The following ELOB variants were observed in gnomAD, a reference collection of about 807,000 sequenced individuals.
ELOB encodes the protein elongin B, also known as elongin-B.
Under a neutral mutation model 12.9 loss-of-function variants are expected in ELOB, and 3 were observed. The observed-to-expected ratio is 0.23, with a 90% confidence interval of 0.11 to 0.60. ELOB has a LOEUF of 0.60. Among genes scored for constraint, ELOB ranks in the 20% least tolerant of loss-of-function variants. The pLI is 0.89. For synonymous variants in ELOB, 84 were observed against 67.4 expected (o/e 1.25, Z -1.21); for missense variants, 126 against 159.2 (o/e 0.79, Z 1.12).
intron 3 of ELOB, among the ~76,000 whole-genome samples, chr16:2,773,199 G>A (rs1222107475): frequency 6.6e-6 from 1 of 151,956 alleles, no homozygotes; most frequent in African/African-American, 2.4e-5. Context: ...AACTGATCAG[G>A]CATCCCAGGG....
chr16:2,775,655 G>C (rs1458572418), intron 2 of ELOB, 99 bp from the exon 3 acceptor site: 6 of 889,172 alleles, frequency 6.7e-6, no homozygotes, highest in Non-Finnish European at 1.0e-5. Context: ...AGGGAAGAGA[G>C]AGTTCCCTCA....
rs1476942109 is a variant in ELOB, at chr16:2,776,994, T to A, written c.137A>T (p.Lys46Met). 2 of 1,574,934 alleles carry A rather than the reference T, an allele frequency of 1.3e-6. No homozygotes were observed. Among genetic ancestry groups the A allele is most frequent in the Admixed American group, 3.7e-5 (2 of 54,350 alleles). ...KRPPDEQRLYKDDQLLDDGKT... is the reference protein window; with the variant it reads ...KRPPDEQRLYMDDQLLDDGKT... ...CCTCGGCCCGCCCGCGGGACCCACC[T>A]TGTACAGCCGCTGCTCGTCAGGAGG... Residue 46 changes from lysine (K) to methionine (M), a missense_variant and splice_region_variant, in exon 2 of 4, where the codon AAG becomes ATG. Lys to Met is a moderately conservative substitution (Grantham distance 95). Transcript: ENST00000409906.
intron 2 of ELOB, among the ~76,000 whole-genome samples, chr16:2,776,263 G>A (rs1215912516): frequency 6.6e-6 from 1 of 152,216 alleles, no homozygotes; most frequent in African/African-American, 2.4e-5. Context: ...GGCCTTTAGA[G>A]ACCATGGGAG....
rs2068794401 is a variant in ELOB at position 2,775,556 on chromosome 16, C to T, written c.139G>A (p.Asp47Asn). ...RPPDEQRLYKDDQLLDDGKTL... is the reference protein window; with the variant it reads ...RPPDEQRLYKNDQLLDDGKTL... ...TTGCCATCATCCAAGAGTTGGTCAT[C>T]CTGAGGAGAGAAGCAGGATCTTGGG... The change falls in exon 3 of 4, where the codon GAT (aspartate) becomes AAT (asparagine). Residue 47 changes from aspartate (D) to asparagine (N), a missense_variant and splice_region_variant. Physicochemically the swap from Asp to Asn is conservative, Grantham distance 23 (BLOSUM62 1). Transcript: ENST00000409906. The T allele has an allele frequency of 6.2e-7, 1 of 1,607,074 alleles. No individual in the cohort carries two copies. Among genetic ancestry groups the T allele is most frequent in the Non-Finnish European group, 8.5e-7 (1 of 1,179,420 alleles).
chr16:2,776,643 G>A (rs923480055), intron 2 of ELOB, among the ~76,000 whole-genome samples: 4 of 152,232 alleles, frequency 2.6e-5, no homozygotes, highest in African/African-American at 7.2e-5. Flanking sequence ...GGGGATTAAG[G>A]GGTCGTGGTT....
At chr16:2,772,555 A>T (rs1343991143) in intron 3 of ELOB, 1 of 151,216 alleles carries the variant, frequency 6.6e-6, no homozygotes, top group East Asian at 1.9e-4. Context: ...AAAAAAAAAA[A>T]AAAAATTAGC....
rs1389497798 is a variant in ELOB, at chr16:2,777,220, C to G, written c.3+17G>C. ...CCCCCGGCCCGGCCCGGCCGCCCCT[C>G]CCCCACGCCCGCTCACCATCGCGGC... On this transcript the variant is annotated intron_variant, in intron 1 of 3. Transcript: ENST00000409906. 4.0e-6 allele frequency: 4 copies of G among 1,006,536 alleles called. No homozygotes were observed. Among genetic ancestry groups the G allele is most frequent in the Non-Finnish European group, 4.7e-6 (4 of 844,860 alleles). The allele number at this position is 1,006,536 out of a possible 1,614,324, so 62.4% of individuals were successfully genotyped here. A position where few individuals can be genotyped will look rare whatever the true frequency, so the allele number is the denominator to read the frequency against.
At chr16:2,775,048 C>T (rs2068790804) in intron 3 of ELOB, among the ~76,000 whole-genome samples, 1 of 152,144 alleles carries the variant, frequency 6.6e-6, no homozygotes, top group African/African-American at 2.4e-5. Flanking sequence ...CTAACCGTGG[C>T]TCCCTACGTG....
Position 2,775,617 on chromosome 16 carries a change from G to T in ELOB, c.139-61C>A. The stretch of plus-strand genomic sequence containing the variant: ...CATGGGGCAAGTCCCAAAGACTTCT[G>T]ACCAGCAACTACACGGGAAGTCAGA... On this transcript the variant is annotated intron_variant, in intron 2 of 3. Coordinates refer to ENST00000409906, the MANE Select transcript of ELOB (RefSeq NM_007108.4). The T allele has an allele frequency of 2.9e-6, 4 of 1,375,244 alleles. No homozygotes were observed. The South Asian group carries it at 3.7e-5, about 13-fold the overall frequency. The allele number at this position is 1,375,244 out of a possible 1,614,324, so 85.2% of individuals were successfully genotyped here.
Position 2,771,773 on chromosome 16 carries a change from AG to A in ELOB, c.*216del. The A allele has an allele frequency of 6.8e-7, 1 of 1,471,974 alleles. No individual in the cohort carries two copies. The highest frequency in any genetic ancestry group is 9.0e-7 in the Non-Finnish European group (1 of 1,116,634). 91.2% of individuals were successfully genotyped at this position (1,471,974 alleles called of 1,614,324 possible). A position where few individuals can be genotyped will look rare whatever the true frequency, so the allele number is the denominator to read the frequency against. On this transcript the variant is annotated 3_prime_UTR_variant, in exon 4 of 4. Transcript: ENST00000409906. ...AATGGCTTGGGTCTCAGGGCAACCC[AG>A]GTCCCCATGGTGCCTTTAAGCAGCA...
chr16:2,776,825 G>A (rs2068803892), intron 2 of ELOB, among the ~76,000 whole-genome samples, 168 bp downstream of exon 2: 1 of 151,950 alleles, frequency 6.6e-6, no homozygotes, highest in African/African-American at 2.4e-5. Context: ...GGAGATCCCC[G>A]CGGCGAGCGC....
At chr16:2,776,530 C>T (rs1159601155) in intron 2 of ELOB, among the ~76,000 whole-genome samples, 1 of 152,174 alleles carries the variant, frequency 6.6e-6, no homozygotes, top group Non-Finnish European at 1.5e-5. Flanking sequence ...TGGTGAAGAA[C>T]GAGTGGGACC....
chr16:2,772,455 G>C (rs914663676), intron 3 of ELOB: 4 of 158,392 alleles, frequency 2.5e-5, no homozygotes, highest in African/African-American at 9.7e-5. Flanking sequence ...CACACTTTGG[G>C]AGGCCGAGAC....
intron 3 of ELOB, 94 bp from the exon 4 acceptor site, chr16:2,772,196 G>A: frequency 7.1e-7 from 1 of 1,403,568 alleles, no homozygotes; most frequent in Non-Finnish European, 9.5e-7. Flanking sequence ...CAGCTTTGGG[G>A]ATCTCCATGC....
At chr16:2,773,651 A>T (rs2150784323) in intron 3 of ELOB, among the ~76,000 whole-genome samples, 1 of 152,270 alleles carries the variant, frequency 6.6e-6, no homozygotes, top group East Asian at 1.9e-4. Context: ...TGTGCCCCCT[A>T]TCAAGACAGC....
intron 3 of ELOB, among the ~76,000 whole-genome samples, chr16:2,773,935 A>T (rs2068784204): frequency 6.6e-6 from 1 of 152,182 alleles, no homozygotes; most frequent in Non-Finnish European, 1.5e-5. Flanking sequence ...CTCTCTTCAG[A>T]CAGGCACCCC....
chr16:2,776,465 A>AG (rs1434960605), intron 2 of ELOB, among the ~76,000 whole-genome samples: 6 of 152,200 alleles, frequency 3.9e-5, no homozygotes, highest in Non-Finnish European at 8.8e-5. Flanking sequence ...GCAAGGGGAA[A>AG]GGGGGGCTTC....
In ELOB at chr16:2,775,488, T is replaced by A; in HGVS notation, c.207A>T (p.Pro69=). 2 of 1,606,684 alleles carry A rather than the reference T, an allele frequency of 1.2e-6. No individual in the cohort carries two copies. The highest frequency in any genetic ancestry group is 1.7e-6 in the Non-Finnish European group (2 of 1,179,716). The change falls in exon 3 of 4, where the codon CCA becomes CCT. Residue 69 remains proline, a synonymous_variant. Coordinates refer to ENST00000409906, the MANE Select transcript of ELOB (RefSeq NM_007108.4). ...CCAGCCCCACTGTGGCTGGGGCCTG[T>A]GGCCGTGCTGTTTGACTGGTGAAGC... ...ECGFTSQTAR[P]QAPATVGLAF...
chr16:2,776,727 G>A (rs565761296), intron 2 of ELOB, among the ~76,000 whole-genome samples: 1 of 152,236 alleles, frequency 6.6e-6, no homozygotes, highest in African/African-American at 2.4e-5. Context: ...CAACTGCACG[G>A]CGCGGGCGAT....
Sources: gnomAD v4.1 joint callset for allele counts (sites outside exome capture counted in the v4.1 genomes callset) on GRCh38, gnomAD v4.1.1 for gene constraint, MANE v1.5 for transcripts, NCBI Gene and HGNC (gene_info 2026-07-23, HGNC 2026-07-21) for gene names.